The following ATF7IP variants were observed in gnomAD, a reference collection of about 807,000 sequenced individuals.
ATF7IP encodes the protein activating transcription factor 7-interacting protein 1.
ATF7IP carries 23 observed loss-of-function variants against 106.4 expected under a neutral mutation model. That is an observed-to-expected ratio of 0.22 (90% CI 0.16 to 0.31). ATF7IP has a LOEUF of 0.31. Ranked by LOEUF, ATF7IP falls within the 10% of genes least tolerant of loss-of-function variation. The pLI is 1.00. For missense variants in ATF7IP, 1,334 were observed against 1,524.3 expected, an observed-to-expected ratio of 0.88 and a Z score of 2.08; for synonymous variants, 542 against 539.0, an observed-to-expected ratio of 1.01 and a Z score of -0.08.
chr12:14,442,402 G>T (rs1450625237), intron 5 of ATF7IP, among the ~76,000 whole-genome samples: 2 of 152,152 alleles, frequency 1.3e-5, no homozygotes, highest in African/African-American at 4.8e-5. Flanking sequence ...TTTGCAATGT[G>T]TACATAGTTC....
At chr12:14,451,471 T>C (rs1446104628) in intron 6 of ATF7IP, among the ~76,000 whole-genome samples, 1 of 152,186 alleles carries the variant, frequency 6.6e-6, no homozygotes, top group African/African-American at 2.4e-5. Flanking sequence ...TAAAGCTAGA[T>C]TGTTGATTTG....
chr12:14,372,841 G>A (rs1274864085), intron 1 of ATF7IP, among the ~76,000 whole-genome samples: 1 of 152,056 alleles, frequency 6.6e-6, no homozygotes, highest in African/African-American at 2.4e-5. Context: ...GAAATTATGT[G>A]TCCATCACTC....
chr12:14,485,728 GTCA>G (rs1427870795), intron 13 of ATF7IP, among the ~76,000 whole-genome samples: 1 of 152,190 alleles, frequency 6.6e-6, no homozygotes, highest in Non-Finnish European at 1.5e-5. Context: ...GATTTGCCAA[GTCA>G]ATGGCTGCAC....
rs374671660 is a variant in ATF7IP at position 14,466,512 on chromosome 12, T to C, written c.2798-14T>C. On this transcript the variant is annotated splice_polypyrimidine_tract_variant and intron_variant, in intron 9 of 14. Transcript: ENST00000261168. Reference sequence around the variant, plus strand: ...TTGTAGATGTTTTTAAAAATGGCTTTTTTTACTTTTCAGAAAACCAGACAA... The same window carrying C: ...TTGTAGATGTTTTTAAAAATGGCTTCTTTTACTTTTCAGAAAACCAGACAA... 7 of 1,594,094 alleles carry C rather than the reference T, an allele frequency of 4.4e-6. No homozygotes were observed. The African/African-American group carries it at 9.5e-5, about 22-fold the overall frequency.
intron 1 of ATF7IP, chr12:14,385,261 A>T: frequency 1.3e-6 from 1 of 750,872 alleles, no homozygotes; most frequent in Non-Finnish European, 2.1e-6. Flanking sequence ...TCTTGAGTGC[A>T]CATTGCAGCC....
intron 8 of ATF7IP, among the ~76,000 whole-genome samples, chr12:14,457,615 T>A (rs1314455655): frequency 2.0e-5 from 3 of 152,150 alleles, no homozygotes; most frequent in Admixed American, 6.5e-5. Context: ...AGTATAGATA[T>A]TCAAATCTCT....
chr12:14,465,679 T>G (rs1271208614), intron 9 of ATF7IP, among the ~76,000 whole-genome samples: 4 of 152,100 alleles, frequency 2.6e-5, no homozygotes, highest in African/African-American at 9.7e-5. Context: ...CAACTTGATT[T>G]TTTAGACATA....
At chr12:14,372,280 T>C (rs1158813863) in intron 1 of ATF7IP, among the ~76,000 whole-genome samples, 1 of 152,154 alleles carries the variant, frequency 6.6e-6, no homozygotes, top group East Asian at 1.9e-4. Flanking sequence ...TCAGCTTGCA[T>C]GGTGGAAACC....
intron 10 of ATF7IP, among the ~76,000 whole-genome samples, chr12:14,473,118 A>G (rs938618928): frequency 6.6e-6 from 1 of 152,080 alleles, no homozygotes. Context: ...AAGTATTGAT[A>G]GGATTGTGTT....
At chr12:14,441,093 C>T (rs902210970) in intron 5 of ATF7IP, among the ~76,000 whole-genome samples, 2 of 152,058 alleles carry the variant, frequency 1.3e-5, no homozygotes, top group African/African-American at 4.8e-5. Context: ...AGGAATATAC[C>T]TAGGTGTGGA....
rs546805119 is a variant in ATF7IP, at chr12:14,500,158, C to T, written c.*2085C>T. On this transcript the variant is annotated 3_prime_UTR_variant, in exon 15 of 15. Coordinates refer to ENST00000261168, the MANE Select transcript of ATF7IP (RefSeq NM_018179.5). ...TTCTCAAAATAGTGATTCATTTTTC[C>T]TAGAATTACAGGAGGGAGCTCTTTT... 6.6e-5 allele frequency: 10 copies of T among 152,184 alleles called. No homozygotes were observed. In the South Asian group the frequency reaches 2.1e-3, roughly 32 times the overall value. The allele number at this position is 152,184 out of a possible 1,614,324, so 9.4% of individuals were successfully genotyped here.
intron 1 of ATF7IP, among the ~76,000 whole-genome samples, chr12:14,419,739 GTATTA>G (rs1326917504): frequency 4.6e-5 from 7 of 151,758 alleles, no homozygotes; most frequent in East Asian, 1.9e-4. Flanking sequence ...ATAATGTTTT[GTATTA>G]TATTATACAA....
chr12:14,436,221 C>A lies in ATF7IP; in HGVS notation c.1761C>A (p.Ala587=). ...CAGAATTTCAAGTAAAGATTACAGC[C>A]AAAGGAGACATTAACCAGAAACTTC... ...YEAEFQVKIT[A]KGDINQKLQK... is the part of the protein sequence containing the mutation. Residue 587 remains alanine, a synonymous_variant, in exon 4 of 15, where the codon GCC becomes GCA. Transcript: ENST00000261168. The A allele has an allele frequency of 6.2e-7, 1 of 1,613,294 alleles. No homozygotes were observed. Among genetic ancestry groups the A allele is most frequent in the Non-Finnish European group, 8.5e-7 (1 of 1,179,628 alleles).
At chr12:14,489,229 T>C (rs1238768956) in intron 13 of ATF7IP, among the ~76,000 whole-genome samples, 1 of 152,186 alleles carries the variant, frequency 6.6e-6, no homozygotes. Flanking sequence ...GTATTCCATG[T>C]ATACTCTTCC....
At position 14,478,368 on chromosome 12, in the gene ATF7IP, C is replaced by T. The variant is rs1260478200; in HGVS notation, c.2993C>T (p.Pro998Leu). The T allele has an allele frequency of 6.2e-7, 1 of 1,614,052 alleles. No individual in the cohort carries two copies. The highest frequency in any genetic ancestry group is 8.5e-7 in the Non-Finnish European group (1 of 1,179,944). Residue 998 changes from proline to leucine, a missense_variant, in exon 12 of 15, where the codon CCT (proline) becomes CTT (leucine). Physicochemically the swap from Pro to Leu is moderately conservative, Grantham distance 98 (BLOSUM62 -3). Coordinates refer to ENST00000261168, the MANE Select transcript of ATF7IP (RefSeq NM_018179.5). ...TPVSTMSSSQ[P>L]VSRPLQPIQP... Reference sequence around the variant, plus strand: ...GTATCAACCATGAGTTCTTCTCAGCCTGTGTCACGACCATTGCAACCCATA... The same window carrying T: ...GTATCAACCATGAGTTCTTCTCAGCTTGTGTCACGACCATTGCAACCCATA...
intron 14 of ATF7IP, 28 bp downstream of exon 14, chr12:14,496,371 A>G (rs752349405): frequency 6.9e-7 from 1 of 1,450,502 alleles, no homozygotes; most frequent in South Asian, 1.1e-5. Context: ...GTTTTGCAAA[A>G]TTCTCAACTG....
At chr12:14,368,956 C>CT (rs541432650) in intron 1 of ATF7IP, among the ~76,000 whole-genome samples, 114 of 144,902 alleles carry the variant, frequency 7.9e-4, no homozygotes, top group African/African-American at 1.1e-3. Flanking sequence ...TACTGCCCCC[C>CT]TTTTTTTTTT....
chr12:14,493,784 CTG>C (rs1304441902), intron 13 of ATF7IP, among the ~76,000 whole-genome samples: 1 of 152,142 alleles, frequency 6.6e-6, no homozygotes, highest in Non-Finnish European at 1.5e-5. Context: ...GAGCTTGTGT[CTG>C]TTTTTCCACA....
chr12:14,435,286 C>T (rs1263488738), intron 3 of ATF7IP, among the ~76,000 whole-genome samples: 1 of 152,128 alleles, frequency 6.6e-6, no homozygotes, highest in African/African-American at 2.4e-5. Flanking sequence ...TCCTGTCATG[C>T]TGCTATCCAT....
Sources: allele counts gnomAD v4.1 joint callset (sites outside exome capture counted in the v4.1 genomes callset), GRCh38; gene constraint gnomAD v4.1.1; transcripts MANE v1.5; gene names NCBI Gene and HGNC (gene_info 2026-07-23, HGNC 2026-07-21).